The following RARB variants were observed in gnomAD, a reference collection of about 807,000 sequenced individuals.
The protein encoded by RARB is HBV-activated protein.
In RARB, 17 loss-of-function variants were observed where a neutral mutation model predicts 51.9. That is an observed-to-expected ratio of 0.33 (90% CI 0.22 to 0.49). The LOEUF is 0.49. Among genes scored for constraint, RARB ranks in the 20% least tolerant of loss-of-function variants. RARB has a pLI of 0.99. For synonymous variants in RARB, 215 were observed against 195.4 expected, an observed-to-expected ratio of 1.10 and a Z score of -0.84; for missense variants, 369 against 550.8, an observed-to-expected ratio of 0.67 and a Z score of 3.30.
chr3:25,185,731 C>A (rs1700959633), intron 5 of RARB, among the ~76,000 whole-genome samples: 1 of 152,124 alleles, frequency 6.6e-6, no homozygotes, highest in African/African-American at 2.4e-5. Flanking sequence ...ACATTGACTT[C>A]TGTCCTGACT....
intron 5 of RARB, among the ~76,000 whole-genome samples, chr3:25,199,450 T>C (rs1015182317): frequency 6.6e-6 from 1 of 152,050 alleles, no homozygotes; most frequent in East Asian, 1.9e-4. Context: ...AAGAGTATAA[T>C]TGGAATTTTT....
chr3:25,060,253 CT>C (rs1698522298), intron 3 of RARB: 1 of 151,802 alleles, frequency 6.6e-6, no homozygotes, highest in African/African-American at 2.4e-5. Flanking sequence ...TAATCTAGCA[CT>C]TCAAATATAA....
At chr3:24,972,107 T>C (rs945419827) in intron 2 of RARB, among the ~76,000 whole-genome samples, 3 of 151,884 alleles carry the variant, frequency 2.0e-5, no homozygotes, top group Non-Finnish European at 2.9e-5. Flanking sequence ...TCTAACTGTA[T>C]ATTTGCACCC....
intron 4 of RARB, among the ~76,000 whole-genome samples, chr3:25,152,633 A>T (rs1015363406): frequency 6.6e-6 from 1 of 152,130 alleles, no homozygotes; most frequent in African/African-American, 2.4e-5. Context: ...TTACGTACAC[A>T]TACATACATA....
In RARB at chr3:25,519,848, G is replaced by A. The variant is rs62235693; in HGVS notation, c.448+18525G>A. On this transcript the variant is annotated intron_variant, in intron 3 of 7. Transcript: ENST00000330688. ...ATTGACAATGCTTTAGATAGAAATG[G>A]TTGAGAAAAATTGAGGCCAATACTG... Among the ~76,000 whole-genome samples, 1,391 of 152,254 alleles carry A rather than the reference G, an allele frequency of 9.1e-3. 3 individuals are homozygous for A. Among genetic ancestry groups the A allele is most frequent in the Non-Finnish European group, 0.012 (786 of 68,010 alleles).
intron 5 of RARB, among the ~76,000 whole-genome samples, chr3:25,400,160 A>G (rs947711679): frequency 6.6e-6 from 1 of 152,194 alleles, no homozygotes; most frequent in Non-Finnish European, 1.5e-5. Context: ...ACTAACTCCC[A>G]GAGACACAGT....
At chr3:25,493,079 T>C (rs1365242969) in intron 2 of RARB, among the ~76,000 whole-genome samples, 3 of 152,098 alleles carry the variant, frequency 2.0e-5, no homozygotes, top group Admixed American at 2.0e-4. Context: ...GTGGTCTTTT[T>C]CTTTTTTGTG....
intron 5 of RARB, among the ~76,000 whole-genome samples, chr3:25,184,503 T>G (rs1401112296): frequency 6.6e-6 from 1 of 152,072 alleles, no homozygotes; most frequent in Non-Finnish European, 1.5e-5. Context: ...CAATTGATGT[T>G]AGTGTTGAAA....
intron 5 of RARB, among the ~76,000 whole-genome samples, chr3:25,307,589 C>T (rs1455965691): frequency 6.6e-6 from 1 of 152,110 alleles, no homozygotes; most frequent in South Asian, 2.1e-4. Context: ...TTTGTATTTT[C>T]AAGGTATTAT....
At chr3:25,445,212 A>C (rs554750853) in intron 1 of RARB, among the ~76,000 whole-genome samples, 1 of 152,210 alleles carries the variant, frequency 6.6e-6, no homozygotes, top group East Asian at 1.9e-4. Flanking sequence ...AGCCTCCCAA[A>C]GTGCTAGGAT....
At chr3:25,293,345 C>T (rs558886636) in intron 5 of RARB, among the ~76,000 whole-genome samples, 9 of 152,046 alleles carry the variant, frequency 5.9e-5, no homozygotes, top group Non-Finnish European at 8.8e-5. Context: ...ATACCTACTT[C>T]ATAAAGTCCT....
At chr3:24,867,003 C>G (rs1702861751) in intron 2 of RARB, among the ~76,000 whole-genome samples, 2 of 151,914 alleles carry the variant, frequency 1.3e-5, no homozygotes, top group African/African-American at 4.8e-5. Flanking sequence ...TCTGGAGGTC[C>G]AAGTGGAGCC....
intron 2 of RARB, chr3:25,020,303 G>A (rs1343490577): frequency 6.6e-6 from 1 of 152,030 alleles, no homozygotes; most frequent in Admixed American, 6.6e-5. Context: ...TAGGCAACCT[G>A]GCAGTCCTCT....
intron 3 of RARB, among the ~76,000 whole-genome samples, chr3:25,512,158 G>C (rs1284783875): frequency 6.6e-5 from 10 of 152,164 alleles, no homozygotes; most frequent in African/African-American, 2.2e-4. Context: ...ACTTAGCTAA[G>C]CGTTAGCTCC....
At chr3:25,416,496 A>T (rs904539083) in intron 5 of RARB, among the ~76,000 whole-genome samples, 2 of 152,194 alleles carry the variant, frequency 1.3e-5, no homozygotes, top group Non-Finnish European at 2.9e-5. Flanking sequence ...CTGCCGCTAG[A>T]TTTCATCTTC....
chr3:25,394,838 G>A (rs907287383), intron 5 of RARB, among the ~76,000 whole-genome samples: 1 of 152,106 alleles, frequency 6.6e-6, no homozygotes, highest in African/African-American at 2.4e-5. Flanking sequence ...CTTGGTTGCT[G>A]AATTCTTATC....
Position 25,308,754 on chromosome 3 carries a change from A to T in RARB, c.178+134179A>T, listed in dbSNP as rs373321607. Among the ~76,000 whole-genome samples, 7 of 152,190 alleles carry T rather than the reference A, an allele frequency of 4.6e-5. No individual in the cohort carries two copies. The East Asian group carries it at 1.4e-3, about 30-fold the overall frequency. On this transcript the variant is annotated intron_variant, in intron 5 of 11. Coordinates refer to the RARB transcript ENST00000383772. ...TTAGCCATTGCACCCAGCCTCCGTGAGTATTTTCTTATTCAAGTTATATAT... is the reference window on the plus strand; with the variant it reads ...TTAGCCATTGCACCCAGCCTCCGTGTGTATTTTCTTATTCAAGTTATATAT...
chr3:24,978,083 G>A (rs1696558569), intron 2 of RARB, among the ~76,000 whole-genome samples: 1 of 152,136 alleles, frequency 6.6e-6, no homozygotes, highest in Non-Finnish European at 1.5e-5. Flanking sequence ...AACCTGCCTT[G>A]CATCCCAGGG....
intron 4 of RARB, among the ~76,000 whole-genome samples, chr3:25,156,976 T>C (rs1049146755): frequency 3.9e-5 from 6 of 152,232 alleles, no homozygotes; most frequent in Admixed American, 3.3e-4. Flanking sequence ...TTGTAAAACC[T>C]CAGTCAGCGG....
Sources: allele counts gnomAD v4.1 joint callset (sites outside exome capture counted in the v4.1 genomes callset), GRCh38; gene constraint gnomAD v4.1.1; transcripts MANE v1.5; gene names NCBI Gene and HGNC (gene_info 2026-07-23, HGNC 2026-07-21).